Variants in RTN1 observed in about 807,000 individuals in gnomAD.
RTN1 encodes the protein reticulon 1.
Under a neutral mutation model 65.5 loss-of-function variants are expected in RTN1, and 25 were observed. That is an observed-to-expected ratio of 0.38 (90% CI 0.28 to 0.53). The LOEUF is 0.53. Among genes scored for constraint, RTN1 ranks in the 20% least tolerant of loss-of-function variants. The pLI, the probability that RTN1 is intolerant of heterozygous loss-of-function variation, is 0.79. For missense variants in RTN1, 983 were observed against 1,025.4 expected (o/e 0.96, Z 0.57); for synonymous variants, 471 against 447.6 (o/e 1.05, Z -0.66).
chr14:59,847,601 A>G (rs2139659262), intron 1 of RTN1, among the ~76,000 whole-genome samples: 1 of 152,342 alleles, frequency 6.6e-6, no homozygotes, highest in South Asian at 2.1e-4. Flanking sequence ...CATTCACAGG[A>G]CTTGGTGCAA....
chr14:59,749,819 A>ATTTATATATATCTATATGTATATT (rs1885398999), intron 1 of RTN1, among the ~76,000 whole-genome samples: 2 of 110,930 alleles, frequency 1.8e-5, no homozygotes, highest in Non-Finnish European at 3.3e-5. Context: ...CTATATGTAT[A>ATTTATATATATCTATATGTATATT]TTTATATATA....
intron 3 of RTN1, among the ~76,000 whole-genome samples, chr14:59,648,002 T>C (rs994631287): frequency 2.6e-5 from 4 of 151,800 alleles, no homozygotes; most frequent in African/African-American, 7.3e-5. Context: ...AATCCAAGAG[T>C]TGGTGTTTTG....
intron 1 of RTN1, among the ~76,000 whole-genome samples, chr14:59,837,387 CTG>C (rs1887231700): frequency 6.6e-6 from 1 of 151,796 alleles, no homozygotes; most frequent in Non-Finnish European, 1.5e-5. Context: ...TAACCTCAAA[CTG>C]AGGTTTTTAA....
intron 1 of RTN1, among the ~76,000 whole-genome samples, chr14:59,764,364 A>C (rs1885808640): frequency 6.6e-6 from 1 of 151,162 alleles, no homozygotes; most frequent in African/African-American, 2.4e-5. Context: ...CTTGTTGTCC[A>C]GGCTGGAATG....
In RTN1 at chr14:59,732,327, C is replaced by T. The variant is rs555373698; in HGVS notation, c.1016-4659G>A. On this transcript the variant is annotated intron_variant, in intron 2 of 8. Coordinates refer to ENST00000267484, the MANE Select transcript of RTN1 (RefSeq NM_021136.3). Reference sequence around the variant, plus strand: ...AGGTATATGGAGCGGCCAAGATGGCCGAATAGAATCAGCTTCGGTCCCTGG... The same window carrying T: ...AGGTATATGGAGCGGCCAAGATGGCTGAATAGAATCAGCTTCGGTCCCTGG... 7.8e-4 allele frequency among the ~76,000 whole-genome samples: 118 copies of T among 152,182 alleles called. 2 individuals are homozygous for T. In the Middle Eastern group the frequency reaches 0.027, roughly 35 times the overall value.
intron 1 of RTN1, among the ~76,000 whole-genome samples, chr14:59,819,009 T>C (rs890614264): frequency 6.6e-6 from 1 of 152,158 alleles, no homozygotes; most frequent in Non-Finnish European, 1.5e-5. Context: ...GTGGTCTCCC[T>C]GGCTCAAAAG....
At position 59,747,387 on chromosome 14, in the gene RTN1, A is replaced by G. The variant is rs188784919; in HGVS notation, c.242-906T>C. 7.2e-4 allele frequency among the ~76,000 whole-genome samples: 110 copies of G among 152,346 alleles called. 1 individual carries two copies. Among genetic ancestry groups the G allele is most frequent in the African/African-American group, 2.4e-3 (98 of 41,576 alleles). On this transcript the variant is annotated intron_variant, in intron 1 of 8. Coordinates refer to ENST00000267484, the MANE Select transcript of RTN1 (RefSeq NM_021136.3). Reference sequence around the variant, plus strand: ...CACTTTGGGAGGCCGAGGCAGGCGGATCTCCTGAGGTCGGGAGTTCGTAGA... The same window carrying G: ...CACTTTGGGAGGCCGAGGCAGGCGGGTCTCCTGAGGTCGGGAGTTCGTAGA...
intron 8 of RTN1, among the ~76,000 whole-genome samples, chr14:59,602,532 AGC>A (rs1566656654): frequency 6.6e-6 from 1 of 152,152 alleles, no homozygotes; most frequent in Non-Finnish European, 1.5e-5. Context: ...AGGTTTAAAA[AGC>A]AGTGGTATTA....
intron 1 of RTN1, among the ~76,000 whole-genome samples, chr14:59,819,499 G>A (rs1282233570): frequency 1.5e-5 from 2 of 131,474 alleles, no homozygotes; most frequent in African/African-American, 6.1e-5. Context: ...AGTTCTCCAA[G>A]CCCCCACCCC....
rs1388705222 is a variant in RTN1, at chr14:59,749,110, A to C, written c.242-2629T>G. ...GGCATCTATATATATATCTATATAT[A>C]TATATATATATATAGATATATCTAT... On this transcript the variant is annotated intron_variant, in intron 1 of 8. Transcript: ENST00000267484. Among the ~76,000 whole-genome samples, 99 of 54,506 alleles carry C rather than the reference A, an allele frequency of 1.8e-3. 2 individuals carry two copies. The highest frequency in any genetic ancestry group is 9.8e-3 in the African/African-American group (69 of 7,028). The allele number at this position is 54,506 out of a possible 152,430, so 35.8% of individuals were successfully genotyped here.
chr14:59,738,092 T>G (rs1396032285), intron 2 of RTN1, among the ~76,000 whole-genome samples: 1 of 152,162 alleles, frequency 6.6e-6, no homozygotes, highest in Non-Finnish European at 1.5e-5. Flanking sequence ...ATTCAGGACA[T>G]AGGCATGGGC....
At chr14:59,749,567 A>ATT (rs1566712183) in intron 1 of RTN1, among the ~76,000 whole-genome samples, 2 of 38,762 alleles carry the variant, frequency 5.2e-5, no homozygotes, top group South Asian at 9.1e-4. Flanking sequence ...ATCTATATAT[A>ATT]GATATATATA....
At chr14:59,839,317 A>G in intron 1 of RTN1, among the ~76,000 whole-genome samples, 1 of 152,176 alleles carries the variant, frequency 6.6e-6, no homozygotes, top group East Asian at 1.9e-4. Context: ...TCTTCCTTTA[A>G]AAACGTTTAA....
intron 1 of RTN1, among the ~76,000 whole-genome samples, chr14:59,824,524 C>T (rs1323897577): frequency 6.6e-6 from 1 of 152,178 alleles, no homozygotes; most frequent in Non-Finnish European, 1.5e-5. Flanking sequence ...TAAGATGTTA[C>T]ATAGTGTTTA....
At chr14:59,607,559 A>G (rs1339590165) in intron 3 of RTN1, 67 bp from the exon 4 acceptor site, 4 of 1,367,754 alleles carry the variant, frequency 2.9e-6, no homozygotes, top group African/African-American at 2.9e-5. Context: ...GCTGTGGCTC[A>G]CTCCACCAAG....
chr14:59,869,533 T>C (rs1160963772), intron 1 of RTN1, among the ~76,000 whole-genome samples: 1 of 128,892 alleles, frequency 7.8e-6, no homozygotes, highest in African/African-American at 3.0e-5. Flanking sequence ...AGACTTTGAA[T>C]AGGGCGTCAG....
At chr14:59,612,754 T>C (rs1881992670) in intron 3 of RTN1, among the ~76,000 whole-genome samples, 1 of 152,218 alleles carries the variant, frequency 6.6e-6, no homozygotes, top group Non-Finnish European at 1.5e-5. Context: ...GCGGGGATAC[T>C]TTCTTTTGGT....
At chr14:59,690,355 T>C (rs945128408) in intron 3 of RTN1, among the ~76,000 whole-genome samples, 10 of 151,606 alleles carry the variant, frequency 6.6e-5, no homozygotes, top group Non-Finnish European at 1.5e-4. Flanking sequence ...AGGGCAAAAA[T>C]GGCATCACAT....
At chr14:59,637,143 C>T (rs866449767) in intron 3 of RTN1, among the ~76,000 whole-genome samples, 3 of 152,228 alleles carry the variant, frequency 2.0e-5, no homozygotes, top group South Asian at 2.1e-4. Flanking sequence ...AACTCTGCCA[C>T]TCTCTATCAA....
Sources: gnomAD v4.1 joint callset for allele counts (sites outside exome capture counted in the v4.1 genomes callset) on GRCh38, gnomAD v4.1.1 for gene constraint, MANE v1.5 for transcripts, NCBI Gene and HGNC (gene_info 2026-07-23, HGNC 2026-07-21) for gene names.